The following ZNF362 variants were observed in gnomAD, a reference collection of about 807,000 sequenced individuals.
ZNF362 encodes zinc finger protein 362.
A neutral mutation model predicts 42.9 loss-of-function variants in ZNF362; 11 were observed. The observed-to-expected ratio is 0.26, with a 90% CI of 0.16 to 0.42. The LOEUF (loss-of-function observed/expected upper bound fraction) is 0.42. ZNF362 is among the 20% of genes least tolerant of loss of function. The pLI, the probability that ZNF362 is intolerant of heterozygous loss-of-function variation, is 1.00. For synonymous variants in ZNF362, 255 were observed against 257.3 expected, an observed-to-expected ratio of 0.99 and a Z score of 0.09; for missense variants, 362 against 576.2, an observed-to-expected ratio of 0.63 and a Z score of 3.81.
chr1:33,241,416 A>T, the ZNF362 span, among the ~76,000 whole-genome samples: 2 of 151,294 alleles, frequency 1.3e-5, no homozygotes, highest in Admixed American at 6.6e-5. Flanking sequence ...AATCTCTTCT[A>T]CCTGTGGGGG....
At chr1:33,218,905 C>T in the ZNF362 span, among the ~76,000 whole-genome samples, 1 of 148,348 alleles carries the variant, frequency 6.7e-6, no homozygotes, top group Admixed American at 6.8e-5. Flanking sequence ...TCAGGCTGGA[C>T]GCACAGGTCT....
the ZNF362 span, among the ~76,000 whole-genome samples, chr1:33,241,820 C>T: frequency 2.0e-4 from 30 of 152,312 alleles, no homozygotes; most frequent in African/African-American, 7.0e-4. Context: ...GAGCCATCCT[C>T]CTGCCTTGAC....
Position 33,283,164 on chromosome 1 carries a change from A to G in ZNF362, c.908+1353A>G, listed in dbSNP as rs145265124. On this transcript the variant is annotated intron_variant, in intron 6 of 8. Coordinates refer to ENST00000539719, the MANE Select transcript of ZNF362 (RefSeq NM_152493.3). ...TTTTTTTGAGACAGAGTCTCACTCT[A>G]TTGCCCAGGCTGGAGTGCAGTGTCA... Among the ~76,000 whole-genome samples the G allele has an allele frequency of 2.1e-3, 312 of 152,110 alleles. 2 individuals are homozygous for G. The highest frequency in any genetic ancestry group is 7.0e-3 in the African/African-American group (289 of 41,508).
chr1:33,167,368 G>T, the ZNF362 span, among the ~76,000 whole-genome samples: 8 of 152,192 alleles, frequency 5.3e-5, no homozygotes. The surrounding 1 kb of genome is among the most constrained non-coding windows in gnomAD (Gnocchi z 4.2). Context: ...TATGCCCAGG[G>T]ACTCAGTGAT....
In ZNF362 at chr1:33,280,286, C is replaced by A. The variant is rs200063572; in HGVS notation, c.512C>A (p.Pro171His). 6.2e-7 allele frequency: 1 copy of A among 1,614,110 alleles called. No individual in the cohort carries two copies. The highest frequency in any genetic ancestry group is 2.2e-5 in the East Asian group (1 of 44,882). ...CTCATCTCAGGGATCACCAGCCCCC[C>A]TCTCCTGGACTCCATCAAGACAATC... ...PTLISGITSP[P>H]LLDSIKTIQG... Residue 171 changes from proline to histidine, a missense_variant, in exon 5 of 9, where the codon CCT becomes CAT. This residue lies in a region of ZNF362 where 266 missense variants were observed against 365.4 expected (regional missense o/e 0.73). Transcript: ENST00000539719. The surrounding 1 kb of genome is among the most constrained non-coding windows in gnomAD (Gnocchi z 5.6).
At chr1:33,152,976 C>A in the ZNF362 span, among the ~76,000 whole-genome samples, 1 of 133,540 alleles carries the variant, frequency 7.5e-6, no homozygotes, top group African/African-American at 2.8e-5. Flanking sequence ...GGATTTAGAC[C>A]AGGTAGGTAA....
the ZNF362 span, among the ~76,000 whole-genome samples, chr1:33,179,447 A>G: frequency 3.0e-4 from 46 of 152,190 alleles, no homozygotes; most frequent in African/African-American, 1.1e-3. Flanking sequence ...AGCCCCTACA[A>G]TACAGGGGAA....
the ZNF362 span, among the ~76,000 whole-genome samples, chr1:33,176,962 C>T: frequency 2.0e-5 from 3 of 152,162 alleles, no homozygotes; most frequent in Non-Finnish European, 2.9e-5. Flanking sequence ...GAAATGGGCT[C>T]CTTCCCTCCA....
chr1:33,192,001 C>T, the ZNF362 span, among the ~76,000 whole-genome samples: 22 of 152,270 alleles, frequency 1.4e-4, no homozygotes, highest in African/African-American at 3.6e-4. Context: ...CTCTAGCAAA[C>T]GGGAGTGGGA....
chr1:33,252,916 A>G (rs1345951759), upstream of ZNF362, among the ~76,000 whole-genome samples: 1 of 152,150 alleles, frequency 6.6e-6, no homozygotes, highest in Non-Finnish European at 1.5e-5. Flanking sequence ...GGAGAGGATG[A>G]CAGTGGGCTT....
upstream of ZNF362, chr1:33,256,456 G>GCCGCTA: frequency 6.1e-6 from 1 of 163,376 alleles, no homozygotes; most frequent in South Asian, 1.8e-4. Context: ...GCCTCCCGCC[G>GCCGCTA]CCGCCGCCGC....
At chr1:33,141,510 CAT>C in the ZNF362 span, among the ~76,000 whole-genome samples, 900 of 152,308 alleles carry the variant, frequency 5.9e-3, 11 homozygotes, top group African/African-American at 0.02. Flanking sequence ...GATTCGATCA[CAT>C]CTAGTCTCAC....
the ZNF362 span, among the ~76,000 whole-genome samples, chr1:33,243,618 A>G: frequency 6.7e-6 from 1 of 148,202 alleles, no homozygotes; most frequent in Non-Finnish European, 1.5e-5. Context: ...TTTTTTTTAG[A>G]CGGAGTCTCG....
the ZNF362 span, among the ~76,000 whole-genome samples, chr1:33,227,042 G>A: frequency 2.0e-5 from 3 of 152,176 alleles, no homozygotes; most frequent in South Asian, 2.1e-4. Flanking sequence ...GAATACTGGG[G>A]ACAGTGATAA....
chr1:33,282,001 T>G, intron 6 of ZNF362, 190 bp downstream of exon 6: 1 of 609,098 alleles, frequency 1.6e-6, no homozygotes. Context: ...TTCTCATCTC[T>G]AGGTCTTTGC....
the ZNF362 span, among the ~76,000 whole-genome samples, chr1:33,251,334 C>G: frequency 4.2e-3 from 643 of 152,310 alleles, 6 homozygotes; most frequent in African/African-American, 0.015. Context: ...GTCACCAAGT[C>G]CTGGTAGGGC....
intron 2 of ZNF362, among the ~76,000 whole-genome samples, chr1:33,273,019 G>A (rs1166853821): frequency 1.3e-5 from 2 of 152,224 alleles, no homozygotes; most frequent in Non-Finnish European, 1.5e-5. Context: ...TGAGTGGCTT[G>A]GCCTGGCCCT....
chr1:33,188,170 G>A, the ZNF362 span, among the ~76,000 whole-genome samples: 3 of 152,150 alleles, frequency 2.0e-5, no homozygotes, highest in African/African-American at 7.2e-5. Flanking sequence ...GGAGGCAGAG[G>A]TTGAAGTAAG....
the ZNF362 span, chr1:33,147,429 G>A: frequency 6.2e-6 from 10 of 1,614,110 alleles, 1 homozygote; most frequent in Non-Finnish European, 7.6e-6. This position sits in a 1 kb window ranked among gnomAD's most constrained non-coding sequence, Gnocchi z 8.1. Flanking sequence ...GGTTGCCATC[G>A]TGCATCACGA....
Sources: allele counts gnomAD v4.1 joint callset (sites outside exome capture counted in the v4.1 genomes callset), GRCh38; gene constraint gnomAD v4.1.1; regional missense constraint gnomAD v4.1.1; non-coding constraint Gnocchi (gnomAD v3.1); transcripts MANE v1.5; gene names NCBI Gene and HGNC (gene_info 2026-07-23, HGNC 2026-07-21).